Variants in TTC27 observed in about 807,000 individuals in gnomAD.
TTC27 encodes tetratricopeptide repeat domain 27.
Under a neutral mutation model 115.9 loss-of-function variants are expected in TTC27, and 79 were observed. The ratio of observed to expected loss-of-function variants is 0.68; its 90% CI spans 0.57 to 0.82. The LOEUF (loss-of-function observed/expected upper bound fraction) is 0.82. Among genes scored for constraint, TTC27 ranks in the 40% least tolerant of loss-of-function variants. The pLI, the probability that TTC27 is intolerant of heterozygous loss-of-function variation, is 0.00. For synonymous variants in TTC27, 401 were observed against 356.0 expected, an observed-to-expected ratio of 1.13 and a Z score of -1.42; for missense variants, 1,054 against 993.1, an observed-to-expected ratio of 1.06 and a Z score of -0.82.
chr2:32,720,856 G>A (rs1295733138), intron 10 of TTC27, among the ~76,000 whole-genome samples: 5 of 152,100 alleles, frequency 3.3e-5, no homozygotes, highest in East Asian at 1.9e-4. Context: ...ATGTGTTAGC[G>A]TCTCAGAATA....
chr2:32,634,314 A>T (rs1399919719), intron 3 of TTC27, among the ~76,000 whole-genome samples: 5 of 149,246 alleles, frequency 3.4e-5, no homozygotes, highest in Non-Finnish European at 5.9e-5. Flanking sequence ...TTTTTTTTTG[A>T]GATGGTATCT....
Position 32,681,712 on chromosome 2 carries a change from C to A in TTC27, c.1119+2790C>A, listed in dbSNP as rs6720361. Among the ~76,000 whole-genome samples the A allele has an allele frequency of 3.7e-3, 539 of 146,382 alleles. 2 individuals carry two copies. The highest frequency in any genetic ancestry group is 0.013 in the African/African-American group (498 of 39,520). Reference sequence around the variant, plus strand: ...ATGATGTTTCCCAACTGTAGGCTAACGTATTTAAGGCAGGCTAAGTTAAGC... The same window carrying A: ...ATGATGTTTCCCAACTGTAGGCTAAAGTATTTAAGGCAGGCTAAGTTAAGC... On this transcript the variant is annotated intron_variant, in intron 9 of 19. Transcript: ENST00000317907.
At chr2:32,777,227 C>T (rs1327140136) in intron 13 of TTC27, among the ~76,000 whole-genome samples, 1 of 152,160 alleles carries the variant, frequency 6.6e-6, no homozygotes. Context: ...ACAGAAATTT[C>T]TTTTTTTGAG....
intron 9 of TTC27, among the ~76,000 whole-genome samples, chr2:32,691,752 C>A (rs1300602737): frequency 6.6e-6 from 1 of 151,716 alleles, no homozygotes; most frequent in East Asian, 1.9e-4. Flanking sequence ...ACATTCACAA[C>A]AGTCATAAAA....
chr2:32,705,502 A>G (rs1021927289), intron 10 of TTC27, among the ~76,000 whole-genome samples: 2 of 151,610 alleles, frequency 1.3e-5, no homozygotes, highest in Non-Finnish European at 2.9e-5. Context: ...TTTACTTGCC[A>G]CTATACTAAC....
At chr2:32,684,514 G>A (rs183456807) in intron 9 of TTC27, among the ~76,000 whole-genome samples, 4 of 152,052 alleles carry the variant, frequency 2.6e-5, no homozygotes, top group African/African-American at 4.8e-5. Flanking sequence ...TCTGCCTGAA[G>A]CCCCTAGGTC....
chr2:32,751,400 A>G (rs748732320), intron 12 of TTC27, among the ~76,000 whole-genome samples: 9 of 152,148 alleles, frequency 5.9e-5, no homozygotes, highest in Admixed American at 1.3e-4. Flanking sequence ...TGAGAAGAGT[A>G]TGTACGCTTC....
At chr2:32,630,738 C>T (rs1283894847) in intron 2 of TTC27, 38 bp downstream of exon 2, 2 of 1,563,992 alleles carry the variant, frequency 1.3e-6, no homozygotes, top group African/African-American at 2.7e-5. Flanking sequence ...AGGAACAGAG[C>T]AAATACATTT....
chr2:32,687,441 A>G (rs1462161232), intron 9 of TTC27, among the ~76,000 whole-genome samples: 1 of 152,162 alleles, frequency 6.6e-6, no homozygotes, highest in Non-Finnish European at 1.5e-5. Flanking sequence ...AAAATGGTAT[A>G]TTTAAACCAA....
chr2:32,738,028 A>G (rs1304004585), intron 12 of TTC27, among the ~76,000 whole-genome samples: 1 of 152,116 alleles, frequency 6.6e-6, no homozygotes. Flanking sequence ...AAAAATATTG[A>G]TAGAGTTATA....
chr2:32,774,127 T>C (rs1363061893), intron 13 of TTC27, among the ~76,000 whole-genome samples: 1 of 152,126 alleles, frequency 6.6e-6, no homozygotes. Context: ...GAATCGCATA[T>C]TGGATATGTA....
At chr2:32,674,271 C>A (rs1346481669) in intron 8 of TTC27, among the ~76,000 whole-genome samples, 1 of 151,810 alleles carries the variant, frequency 6.6e-6, no homozygotes, top group Non-Finnish European at 1.5e-5. Flanking sequence ...CTGCTTCAGC[C>A]TCCCAAGTAG....
chr2:32,681,802 TG>T (rs915345648), intron 9 of TTC27, among the ~76,000 whole-genome samples: 7 of 152,138 alleles, frequency 4.6e-5, no homozygotes, highest in African/African-American at 1.7e-4. Context: ...CAACTCATGA[TG>T]GATTTATCAG....
rs760858244 is a variant in TTC27 at position 32,637,798 on chromosome 2, C to T, written c.397-2472C>T. Reference sequence around the variant, plus strand: ...GGCAGGTTCTTCTGAGTTCTCAAGTCAGTATATTCACTGTACATTCAGTAC... The same window carrying T: ...GGCAGGTTCTTCTGAGTTCTCAAGTTAGTATATTCACTGTACATTCAGTAC... On this transcript the variant is annotated intron_variant, in intron 3 of 19. Transcript: ENST00000317907. 8.5e-4 allele frequency among the ~76,000 whole-genome samples: 129 copies of T among 152,204 alleles called. 2 individuals carry two copies. Among genetic ancestry groups the T allele is most frequent in the Non-Finnish European group, 2.5e-4 (17 of 68,046 alleles).
chr2:32,650,174 AT>A lies in TTC27; in HGVS notation c.584del (p.Leu195CysfsTer20), dbSNP rs770549616. ...WTLRCVNIHQ[H>X]LLEERSPLLF... is the part of the protein sequence containing the mutation. ...TTGAGATGTGTGAATATTCATCAGCATTTGCTTGAGGAACGCTCACCTCTGC... is the reference window on the plus strand; with the variant it reads ...TTGAGATGTGTGAATATTCATCAGCATTGCTTGAGGAACGCTCACCTCTGC... On this transcript the variant is annotated frameshift_variant, in exon 5 of 20. Coordinates refer to ENST00000317907, the MANE Select transcript of TTC27 (RefSeq NM_017735.5). LOFTEE classifies it high-confidence loss of function. The A allele has an allele frequency of 1.2e-6, 2 of 1,613,834 alleles. No homozygotes were observed. The highest frequency in any genetic ancestry group is 1.7e-4 in the Middle Eastern group (1 of 6,060).
At chr2:32,700,602 A>G (rs773698229) in intron 9 of TTC27, among the ~76,000 whole-genome samples, 29 of 152,116 alleles carry the variant, frequency 1.9e-4, no homozygotes, top group Non-Finnish European at 4.1e-4. Context: ...CAGTGGTGCA[A>G]TCTCGGCTCA....
chr2:32,700,650 G>A (rs897747663), intron 9 of TTC27, among the ~76,000 whole-genome samples: 3 of 152,128 alleles, frequency 2.0e-5, no homozygotes, highest in African/African-American at 4.8e-5. Flanking sequence ...CGATTCTTCT[G>A]CCTCAGCCTC....
chr2:32,678,904 G>A lies in TTC27; in HGVS notation c.1101G>A (p.Glu367=), dbSNP rs1472372914. The A allele has an allele frequency of 6.2e-7, 1 of 1,613,022 alleles. No homozygotes were observed. Among genetic ancestry groups the A allele is most frequent in the Non-Finnish European group, 8.5e-7 (1 of 1,179,438 alleles). The change falls in exon 9 of 20, where the codon GAG becomes GAA. Residue 367 remains glutamate, a synonymous_variant. Coordinates refer to ENST00000317907, the MANE Select transcript of TTC27 (RefSeq NM_017735.5). ...NNPVHTLTEV[E]LLAFTSCLLS... ...CAGTGCACACATTAACTGAAGTGGA[G>A]CTTCTGGCATTTACATCAGTGAGTA...
At chr2:32,777,426 C>T (rs1386388645) in intron 13 of TTC27, among the ~76,000 whole-genome samples, 1 of 152,176 alleles carries the variant, frequency 6.6e-6, no homozygotes. Flanking sequence ...TATATACTTT[C>T]AATCATCTCT....
Sources: gnomAD v4.1 joint callset for allele counts (sites outside exome capture counted in the v4.1 genomes callset) on GRCh38, gnomAD v4.1.1 for gene constraint, MANE v1.5 for transcripts, NCBI Gene and HGNC (gene_info 2026-07-23, HGNC 2026-07-21) for gene names.